The following FBXL4 variants were observed in gnomAD, a reference collection of about 807,000 sequenced individuals.
The protein encoded by FBXL4 is F-box and leucine rich repeat protein 4, also known as F-box/LRR-repeat protein 4.
FBXL4 carries 40 observed loss-of-function variants against 58.9 expected under a neutral mutation model. The observed-to-expected ratio is 0.68, with a 90% CI of 0.53 to 0.88. FBXL4 has a LOEUF of 0.88. Ranked by LOEUF, FBXL4 falls within the 40% of genes least tolerant of loss-of-function variation. The probability of loss-of-function intolerance (pLI) is 0.00; values close to 1 mark genes in which losing one functional copy is unlikely to be tolerated. For synonymous variants in FBXL4, 263 were observed against 265.5 expected, an observed-to-expected ratio of 0.99 and a Z score of 0.09; for missense variants, 676 against 734.4, an observed-to-expected ratio of 0.92 and a Z score of 0.92.
At position 98,875,716 on chromosome 6, in the gene FBXL4, A is replaced by G. The variant is rs1269224000; in HGVS notation, c.1401T>C (p.Tyr467=). The G allele has an allele frequency of 1.2e-6, 2 of 1,613,328 alleles. No individual in the cohort carries two copies. Among genetic ancestry groups the G allele is most frequent in the South Asian group, 2.2e-5 (2 of 91,082 alleles). Residue 467 remains tyrosine, a synonymous_variant, in exon 9 of 10, where the codon TAT becomes TAC. Coordinates refer to ENST00000369244, the MANE Select transcript of FBXL4 (RefSeq NM_001278716.2). ...CTCCTATCATGCTAGCTATCACATC[A>G]TAGTCTTCAATCTGGAAATCAAATA... ...SLGSCVMIED[Y]DVIASMIGAK...
At chr6:98,916,819 T>TA (rs1192978009) in intron 5 of FBXL4, among the ~76,000 whole-genome samples, 9 of 122,580 alleles carry the variant, frequency 7.3e-5, no homozygotes, top group East Asian at 6.2e-4. Context: ...AAAGTATAAT[T>TA]AAAAAAAAAC....
intron 1 of FBXL4, among the ~76,000 whole-genome samples, chr6:98,938,457 G>C (rs2128411623): frequency 6.6e-6 from 1 of 152,298 alleles, no homozygotes. Flanking sequence ...AACTTTAAAA[G>C]GCAGTCCCTT....
intron 7 of FBXL4, chr6:98,898,251 T>C: frequency 2.0e-6 from 2 of 977,530 alleles, no homozygotes; most frequent in Non-Finnish European, 2.4e-6. Context: ...GGTCAGAACA[T>C]TCAAGGAATA....
At position 98,926,636 on chromosome 6, in the gene FBXL4, G is replaced by A. The variant is rs765468582; in HGVS notation, c.353C>T (p.Pro118Leu). The change falls in exon 4 of 10, where the codon CCA (proline) becomes CTA (leucine). Residue 118 changes from proline (P) to leucine (L), a missense_variant. By Grantham distance (98) the Pro-to-Leu change is moderately conservative (BLOSUM62 -3). Transcript: ENST00000369244. ...PSASLPFKRT[P>L]PNFQSQDYVE... ...ATAGTCCTGGCTCTGAAAATTAGGT[G>A]GCGTCCTCTTGAATGGCAAGGAAGC... The A allele has an allele frequency of 2.5e-6, 4 of 1,614,102 alleles. No homozygotes were observed. The East Asian group carries it at 8.9e-5, about 36-fold the overall frequency.
At chr6:98,905,739 T>C (rs960318528) in intron 5 of FBXL4, 69 bp from the exon 6 acceptor site, 3 of 1,459,392 alleles carry the variant, frequency 2.1e-6, no homozygotes, top group East Asian at 4.7e-5. Flanking sequence ...ACATATAACA[T>C]AATCTAATAA....
At chr6:98,927,532 G>A (rs1294834962) in intron 3 of FBXL4, among the ~76,000 whole-genome samples, 173 bp downstream of exon 3, 2 of 152,170 alleles carry the variant, frequency 1.3e-5, no homozygotes, top group Admixed American at 6.5e-5. Flanking sequence ...TTCACATTAT[G>A]GGAATATAGT....
chr6:98,911,445 T>A (rs1043229046), intron 5 of FBXL4, among the ~76,000 whole-genome samples: 1 of 152,204 alleles, frequency 6.6e-6, no homozygotes, highest in Non-Finnish European at 1.5e-5. Flanking sequence ...AGGGGCAGAC[T>A]GACACCTCAC....
chr6:98,885,017 C>T (rs1166077629), intron 7 of FBXL4, among the ~76,000 whole-genome samples: 1 of 152,192 alleles, frequency 6.6e-6, no homozygotes, highest in Non-Finnish European at 1.5e-5. Flanking sequence ...ATATAGGTCA[C>T]TTTCAATATT....
rs1484227461 is a variant in FBXL4 at position 98,874,299 on chromosome 6, T to C, written c.1845A>G (p.Ile615Met). 1.3e-6 allele frequency: 2 copies of C among 1,599,444 alleles called. No individual in the cohort carries two copies. The highest frequency in any genetic ancestry group is 2.2e-5 in the East Asian group (1 of 44,590). Residue 615 changes from isoleucine to methionine, a missense_variant, in exon 10 of 10, where the codon ATA becomes ATG. Transcript: ENST00000369244. ...ELNASFPKVF[I>M]KKSFTQ ...TAAGTCACTGAGTAAAGCTCTTTTTTATGAACACTTTTGGAAAGCTTGCAT... is the reference window on the plus strand; with the variant it reads ...TAAGTCACTGAGTAAAGCTCTTTTTCATGAACACTTTTGGAAAGCTTGCAT...
chr6:98,909,467 C>A (rs1332915807), intron 5 of FBXL4, among the ~76,000 whole-genome samples: 2 of 152,224 alleles, frequency 1.3e-5, no homozygotes, highest in African/African-American at 4.8e-5. Flanking sequence ...CACTTCTCAT[C>A]TTTGTACCTT....
intron 7 of FBXL4, among the ~76,000 whole-genome samples, chr6:98,886,517 T>G (rs1006284673): frequency 6.6e-6 from 1 of 152,216 alleles, no homozygotes; most frequent in African/African-American, 2.4e-5. Context: ...GTGTTCTTGT[T>G]TTAGTCTATT....
intron 7 of FBXL4, among the ~76,000 whole-genome samples, chr6:98,885,251 G>A: frequency 6.6e-6 from 1 of 152,136 alleles, no homozygotes. Context: ...TTACAGGCAT[G>A]TGCCACCACA....
At chr6:98,907,155 T>C (rs918595402) in intron 5 of FBXL4, among the ~76,000 whole-genome samples, 2 of 152,118 alleles carry the variant, frequency 1.3e-5, no homozygotes, top group African/African-American at 4.8e-5. Context: ...GCTGGAACAT[T>C]CAGCTTCAAA....
intron 1 of FBXL4, among the ~76,000 whole-genome samples, chr6:98,940,169 TTTTA>T (rs1293375654): frequency 1.3e-5 from 2 of 152,224 alleles, no homozygotes; most frequent in Admixed American, 6.5e-5. Flanking sequence ...TCTACATATA[TTTTA>T]TTTATTTGTG....
At chr6:98,938,629 A>T (rs796123983) in intron 1 of FBXL4, among the ~76,000 whole-genome samples, 1 of 152,228 alleles carries the variant, frequency 6.6e-6, no homozygotes, top group South Asian at 2.1e-4. Context: ...AGCTTTATAA[A>T]TAAGCAGTCT....
intron 1 of FBXL4, among the ~76,000 whole-genome samples, chr6:98,947,109 G>T (rs1773649157): frequency 6.6e-6 from 1 of 152,190 alleles, no homozygotes. Flanking sequence ...CTGACCACAG[G>T]CTTATACCAT....
intron 1 of FBXL4, among the ~76,000 whole-genome samples, chr6:98,942,603 T>C (rs1450152419): frequency 6.6e-6 from 1 of 152,116 alleles, no homozygotes; most frequent in Non-Finnish European, 1.5e-5. Flanking sequence ...ACAATGATTG[T>C]AAATTTCCTG....
intron 8 of FBXL4, among the ~76,000 whole-genome samples, 170 bp from the exon 9 acceptor site, chr6:98,875,897 T>C (rs75333687): frequency 2.0e-5 from 3 of 152,302 alleles, no homozygotes; most frequent in South Asian, 2.1e-4. Context: ...CACTGTTTCA[T>C]AAAACAGCCA....
At chr6:98,905,146 G>A (rs1001528673) in intron 6 of FBXL4, among the ~76,000 whole-genome samples, 8 of 152,154 alleles carry the variant, frequency 5.3e-5, no homozygotes, top group African/African-American at 1.9e-4. Flanking sequence ...TGAAAAAGAA[G>A]AAACAGGAGC....
Sources: gnomAD v4.1 joint callset for allele counts (sites outside exome capture counted in the v4.1 genomes callset) on GRCh38, gnomAD v4.1.1 for gene constraint, MANE v1.5 for transcripts, NCBI Gene and HGNC (gene_info 2026-07-23, HGNC 2026-07-21) for gene names.